The following EPHA6 variants were observed in gnomAD, a reference collection of about 807,000 sequenced individuals.
EPHA6 encodes the protein ephrin type-A receptor 6.
Under a neutral mutation model 112.0 loss-of-function variants are expected in EPHA6, and 50 were observed. The ratio of observed to expected loss-of-function variants is 0.45; its 90% CI spans 0.36 to 0.56. EPHA6 has a LOEUF of 0.56. Among genes scored for constraint, EPHA6 ranks in the 20% least tolerant of loss-of-function variants. The probability of loss-of-function intolerance (pLI) is 0.00; values close to 1 mark genes in which losing one functional copy is unlikely to be tolerated. For missense variants in EPHA6, 1,280 were observed against 1,417.4 expected, an observed-to-expected ratio of 0.90 and a Z score of 1.56; for synonymous variants, 529 against 490.7, an observed-to-expected ratio of 1.08 and a Z score of -1.03.
intron 3 of EPHA6, among the ~76,000 whole-genome samples, chr3:97,030,473 G>A (rs2044787893): frequency 6.6e-6 from 1 of 152,000 alleles, no homozygotes; most frequent in Admixed American, 6.6e-5. Flanking sequence ...CACGGGTTAT[G>A]TCTCCCCTAC....
chr3:97,481,932 T>C (rs867837093), intron 9 of EPHA6, among the ~76,000 whole-genome samples: 4 of 152,104 alleles, frequency 2.6e-5, no homozygotes, highest in South Asian at 2.1e-4. Flanking sequence ...TTATTATCTG[T>C]TTTCCAAGAG....
intron 5 of EPHA6, among the ~76,000 whole-genome samples, chr3:97,365,685 GC>G (rs2084683953): frequency 6.6e-6 from 1 of 152,150 alleles, no homozygotes; most frequent in African/African-American, 2.4e-5. Context: ...ACCGTGCCCA[GC>G]CAGGACATTT....
intron 3 of EPHA6, among the ~76,000 whole-genome samples, chr3:96,994,437 A>G (rs1366570194): frequency 6.6e-6 from 1 of 152,050 alleles, no homozygotes; most frequent in Admixed American, 6.6e-5. Flanking sequence ...GCAAAGTATT[A>G]TGCTAATTTA....
chr3:97,158,846 T>G (rs2076348545), intron 3 of EPHA6, among the ~76,000 whole-genome samples: 1 of 152,138 alleles, frequency 6.6e-6, no homozygotes, highest in African/African-American at 2.4e-5. Flanking sequence ...AGCTATCAGT[T>G]TGCATTGCCA....
chr3:96,838,986 G>A (rs560685659), intron 1 of EPHA6, among the ~76,000 whole-genome samples: 7 of 152,084 alleles, frequency 4.6e-5, no homozygotes, highest in African/African-American at 7.2e-5. Flanking sequence ...CTAGCAAGTG[G>A]TTCCCAGCTG....
At chr3:97,190,366 A>G (rs1334202573) in intron 3 of EPHA6, among the ~76,000 whole-genome samples, 1 of 152,068 alleles carries the variant, frequency 6.6e-6, no homozygotes, top group Non-Finnish European at 1.5e-5. Context: ...CCCTCAATGA[A>G]TGACCTATGA....
At chr3:96,988,476 A>G (rs917230606) in intron 3 of EPHA6, among the ~76,000 whole-genome samples, 12 of 152,190 alleles carry the variant, frequency 7.9e-5, no homozygotes, top group Non-Finnish European at 1.5e-4. Flanking sequence ...ACATTTTTAC[A>G]GTTTATAGAA....
intron 12 of EPHA6, among the ~76,000 whole-genome samples, chr3:97,598,842 C>A (rs1277720500): frequency 4.0e-5 from 6 of 151,864 alleles, no homozygotes; most frequent in African/African-American, 1.2e-4. Flanking sequence ...AATCGCCACA[C>A]TGACTTCCAC....
At chr3:96,946,246 C>T (rs577657435) in intron 2 of EPHA6, among the ~76,000 whole-genome samples, 38 of 152,012 alleles carry the variant, frequency 2.5e-4, no homozygotes, top group South Asian at 1.5e-3. Context: ...CGTAAGTATA[C>T]GTGTGCCATA....
At chr3:97,469,523 G>A (rs1165140310) in intron 7 of EPHA6, among the ~76,000 whole-genome samples, 1 of 151,688 alleles carries the variant, frequency 6.6e-6, no homozygotes, top group Non-Finnish European at 1.5e-5. Flanking sequence ...CTGCTGTCTA[G>A]CTGATTTCAA....
chr3:97,033,335 A>G (rs948356017), intron 3 of EPHA6, among the ~76,000 whole-genome samples: 10 of 152,014 alleles, frequency 6.6e-5, no homozygotes, highest in Non-Finnish European at 1.3e-4. Context: ...AATAATGTAG[A>G]CAAAATTTAA....
At chr3:97,338,273 A>G (rs2108848889) in intron 5 of EPHA6, among the ~76,000 whole-genome samples, 1 of 152,222 alleles carries the variant, frequency 6.6e-6, no homozygotes, top group South Asian at 2.1e-4. Flanking sequence ...GTATGCAATT[A>G]AAGCTCGATA....
At chr3:97,287,019 G>A (rs893703054) in intron 5 of EPHA6, among the ~76,000 whole-genome samples, 3 of 150,622 alleles carry the variant, frequency 2.0e-5, no homozygotes, top group Non-Finnish European at 3.0e-5. Flanking sequence ...AAAAAGGATT[G>A]CCTTCTTCAT....
At chr3:96,819,989 C>T (rs987292876) in intron 1 of EPHA6, among the ~76,000 whole-genome samples, 1 of 152,092 alleles carries the variant, frequency 6.6e-6, no homozygotes, top group Non-Finnish European at 1.5e-5. Context: ...AAAGACTTGT[C>T]TTTGAAGGTG....
At chr3:97,328,954 T>A (rs2108812894) in intron 5 of EPHA6, among the ~76,000 whole-genome samples, 1 of 152,268 alleles carries the variant, frequency 6.6e-6, no homozygotes, top group East Asian at 1.9e-4. Context: ...CTCCTAATGC[T>A]ATCCCTCCCC....
intron 12 of EPHA6, among the ~76,000 whole-genome samples, chr3:97,601,130 T>G (rs1418774718): frequency 6.6e-6 from 1 of 152,112 alleles, no homozygotes; most frequent in Non-Finnish European, 1.5e-5. Flanking sequence ...TCCCTAGATA[T>G]CTTCATGTTT....
At chr3:97,633,407 T>C (rs2093920081) in intron 13 of EPHA6, among the ~76,000 whole-genome samples, 1 of 152,090 alleles carries the variant, frequency 6.6e-6, no homozygotes, top group East Asian at 1.9e-4. Flanking sequence ...AGAGACCATA[T>C]GTCATAAAAA....
chr3:97,262,078 AC>A (rs1247106785), intron 5 of EPHA6, among the ~76,000 whole-genome samples: 1 of 152,176 alleles, frequency 6.6e-6, no homozygotes, highest in Non-Finnish European at 1.5e-5. Context: ...CCAGAAACAT[AC>A]TTTCATCAAA....
intron 1 of EPHA6, among the ~76,000 whole-genome samples, chr3:96,817,781 A>G (rs1037683728): frequency 6.6e-6 from 1 of 151,864 alleles, no homozygotes; most frequent in Admixed American, 6.6e-5. Flanking sequence ...CCATTTTTCC[A>G]TACATAAGCA....
Sources: gnomAD v4.1 joint callset for allele counts (sites outside exome capture counted in the v4.1 genomes callset) on GRCh38, gnomAD v4.1.1 for gene constraint, MANE v1.5 for transcripts, NCBI Gene and HGNC (gene_info 2026-07-23, HGNC 2026-07-21) for gene names.